Variants in BNC2 observed in about 807,000 individuals in gnomAD.
BNC2 encodes zinc finger protein basonuclin-2.
BNC2 carries 20 observed loss-of-function variants against 76.3 expected under a neutral mutation model. The ratio of observed to expected loss-of-function variants is 0.26; its 90% CI spans 0.18 to 0.38. The LOEUF (loss-of-function observed/expected upper bound fraction) is 0.38. Ranked by LOEUF, BNC2 falls within the 10% of genes least tolerant of loss-of-function variation. The probability of loss-of-function intolerance (pLI) is 1.00; values close to 1 mark genes in which losing one functional copy is unlikely to be tolerated. For missense variants in BNC2, 1,382 were observed against 1,399.8 expected, an observed-to-expected ratio of 0.99 and a Z score of 0.20; for synonymous variants, 582 against 514.8, an observed-to-expected ratio of 1.13 and a Z score of -1.77.
At chr9:16,860,121 C>CAA (rs34877213) in intron 1 of BNC2, among the ~76,000 whole-genome samples, 9 of 135,726 alleles carry the variant, frequency 6.6e-5, no homozygotes, top group Admixed American at 3.0e-4. Context: ...GACTCCATCT[C>CAA]AAAAAAAAAA....
At chr9:16,816,717 G>A (rs774000593) in intron 1 of BNC2, among the ~76,000 whole-genome samples, 7 of 152,148 alleles carry the variant, frequency 4.6e-5, no homozygotes, top group Non-Finnish European at 7.4e-5. Flanking sequence ...CATGGATAAC[G>A]TGTGCTTTTT....
chr9:16,475,331 C>A (rs1357857834), intron 5 of BNC2, among the ~76,000 whole-genome samples: 1 of 152,092 alleles, frequency 6.6e-6, no homozygotes, highest in African/African-American at 2.4e-5. Flanking sequence ...TTTTTTAAAA[C>A]AATGTCAAAA....
chr9:16,787,734 G>C lies in BNC2; in HGVS notation c.4-49249C>G, dbSNP rs114196718. ...GATAATATTTTCTTTCTTCTTTGTAGAGACGAGGGTCTCACTTTGTTGCCC... is the reference window on the plus strand; with the variant it reads ...GATAATATTTTCTTTCTTCTTTGTACAGACGAGGGTCTCACTTTGTTGCCC... On this transcript the variant is annotated intron_variant, in intron 1 of 6. Transcript: ENST00000380672. Among the ~76,000 whole-genome samples, 444 of 152,218 alleles carry C rather than the reference G, an allele frequency of 2.9e-3. 4 individuals carry two copies. The highest frequency in any genetic ancestry group is 0.01 in the African/African-American group (425 of 41,530).
In BNC2 at chr9:16,465,755, T is replaced by C. The variant is rs185771488; in HGVS notation, c.670-28231A>G. Among the ~76,000 whole-genome samples the C allele has an allele frequency of 4.4e-3, 677 of 152,236 alleles. 2 individuals are homozygous for C. Among genetic ancestry groups the C allele is most frequent in the Non-Finnish European group, 7.6e-3 (519 of 68,016 alleles). On this transcript the variant is annotated intron_variant, in intron 5 of 6. Coordinates refer to ENST00000380672, the MANE Select transcript of BNC2 (RefSeq NM_017637.6). ...CTCAATAAACTGCCTAAATTAGCTA[T>C]CTAAAAAAAGTTCCACTTAGGAGAT...
intron 3 of BNC2, among the ~76,000 whole-genome samples, chr9:16,653,708 T>C (rs1821852722): frequency 6.6e-6 from 1 of 152,162 alleles, no homozygotes; most frequent in Non-Finnish European, 1.5e-5. Context: ...TGGGGAATAG[T>C]TGTCTGCACC....
intron 1 of BNC2, among the ~76,000 whole-genome samples, chr9:16,812,438 A>C (rs1433690998): frequency 6.6e-6 from 1 of 152,222 alleles, no homozygotes; most frequent in African/African-American, 2.4e-5. Context: ...CGCCAGCTCC[A>C]AACCCATCTG....
chr9:16,642,456 CT>C, intron 3 of BNC2, among the ~76,000 whole-genome samples: 1 of 152,300 alleles, frequency 6.6e-6, no homozygotes, highest in East Asian at 1.9e-4. Flanking sequence ...TACTATATAG[CT>C]TTCCTTATTT....
At chr9:16,707,405 A>T (rs982722172) in intron 3 of BNC2, among the ~76,000 whole-genome samples, 1 of 152,186 alleles carries the variant, frequency 6.6e-6, no homozygotes, top group Admixed American at 6.5e-5. Flanking sequence ...CCAAACAGAT[A>T]CACTTTTCTT....
intron 5 of BNC2, among the ~76,000 whole-genome samples, chr9:16,501,326 T>A (rs959424997): frequency 1.2e-4 from 18 of 152,204 alleles, no homozygotes; most frequent in African/African-American, 4.1e-4. Flanking sequence ...AAGTAACTTA[T>A]CTCATGAGTC....
intron 4 of BNC2, among the ~76,000 whole-genome samples, chr9:16,558,757 C>A (rs1035678716): frequency 2.6e-5 from 4 of 151,906 alleles, no homozygotes; most frequent in African/African-American, 9.7e-5. Context: ...GGTGAAACCA[C>A]GTCTCTACTA....
chr9:16,537,075 C>G (rs758153304), intron 5 of BNC2, among the ~76,000 whole-genome samples: 12 of 152,112 alleles, frequency 7.9e-5, no homozygotes, highest in Non-Finnish European at 1.8e-4. Flanking sequence ...TCATCCTAAG[C>G]AGAAAAATAT....
intron 5 of BNC2, among the ~76,000 whole-genome samples, chr9:16,490,479 T>A (rs1218333509): frequency 6.6e-6 from 1 of 152,198 alleles, no homozygotes; most frequent in Non-Finnish European, 1.5e-5. Context: ...CCAAACCGTA[T>A]CACTCACCTT....
At position 16,436,313 on chromosome 9, in the gene BNC2, C is replaced by T. The variant is rs1304135999; in HGVS notation, c.1881G>A (p.Leu627=). ...ACTTCCTGGGCTTTTTCTTGGGTGC[C>T]AGGTCAGCACTGGGCTCATGGGTGG... The part of the protein sequence containing the change: ...MMATHEPSAD[L]APKKKPRKSS... Residue 627 remains leucine (L), a synonymous_variant, in exon 6 of 7, where the codon CTG becomes CTA. Transcript: ENST00000380672. 6.2e-7 allele frequency: 1 copy of T among 1,613,968 alleles called. No homozygotes were observed. The highest frequency in any genetic ancestry group is 1.3e-5 in the African/African-American group (1 of 74,882).
chr9:16,744,156 A>AGACGGGTT (rs927176024), intron 1 of BNC2, among the ~76,000 whole-genome samples: 1 of 151,960 alleles, frequency 6.6e-6, no homozygotes, highest in East Asian at 1.9e-4. Context: ...TTTTTAGTAG[A>AGACGGGTT]GACGGGTTTT....
At chr9:16,630,101 A>C (rs1402697204) in intron 3 of BNC2, among the ~76,000 whole-genome samples, 2 of 152,234 alleles carry the variant, frequency 1.3e-5, no homozygotes, top group African/African-American at 2.4e-5. Flanking sequence ...GAGTGCAGTA[A>C]AGCCAAGTGC....
chr9:16,806,585 A>G (rs1212263369), intron 1 of BNC2, among the ~76,000 whole-genome samples: 1 of 152,192 alleles, frequency 6.6e-6, no homozygotes, highest in Non-Finnish European at 1.5e-5. Context: ...GCAAAGTTGT[A>G]TATGTTTGTC....
chr9:16,531,398 G>GAA (rs948204701), intron 5 of BNC2, among the ~76,000 whole-genome samples: 4 of 134,682 alleles, frequency 3.0e-5, no homozygotes, highest in African/African-American at 5.4e-5. Context: ...GAGGGAATAA[G>GAA]AAAAAAAAAA....
chr9:16,767,199 C>T (rs1825719092), intron 1 of BNC2, among the ~76,000 whole-genome samples: 1 of 152,150 alleles, frequency 6.6e-6, no homozygotes, highest in Admixed American at 6.5e-5. Context: ...TATTATAGAC[C>T]AGAAGCAACC....
intron 1 of BNC2, among the ~76,000 whole-genome samples, chr9:16,748,437 C>A (rs1200883245): frequency 6.6e-6 from 1 of 152,066 alleles, no homozygotes; most frequent in Non-Finnish European, 1.5e-5. Flanking sequence ...CACCTGAGCC[C>A]GGGGTGGTCG....
Sources: gnomAD v4.1 joint callset for allele counts (sites outside exome capture counted in the v4.1 genomes callset) on GRCh38, gnomAD v4.1.1 for gene constraint, MANE v1.5 for transcripts, NCBI Gene and HGNC (gene_info 2026-07-23, HGNC 2026-07-21) for gene names.